CA10: variants seen among roughly 807,000 people sequenced by gnomAD.
CA10 encodes the protein carbonic anhydrase-related protein 10.
Under a neutral mutation model 44.2 loss-of-function variants are expected in CA10, and 14 were observed. The observed-to-expected ratio is 0.32, with a 90% CI of 0.21 to 0.50. CA10 has a LOEUF of 0.50. Among genes scored for constraint, CA10 ranks in the 20% least tolerant of loss-of-function variants. The pLI is 0.99. For synonymous variants in CA10, 159 were observed against 141.6 expected (o/e 1.12, Z -0.87); for missense variants, 350 against 409.7 (o/e 0.85, Z 1.26).
At chr17:51,672,729 T>A (rs1914472696) in intron 4 of CA10, among the ~76,000 whole-genome samples, 1 of 152,150 alleles carries the variant, frequency 6.6e-6, no homozygotes, top group South Asian at 2.1e-4. Context: ...AGAAAGGGCT[T>A]CAGAAATTCA....
chr17:51,849,197 ACATATATGTATATATATATATAC>A, intron 3 of CA10, among the ~76,000 whole-genome samples: 1 of 60,548 alleles, frequency 1.7e-5, no homozygotes, highest in Admixed American at 1.8e-4. Flanking sequence ...ATATATATAT[ACATATATGTATATATATATATAC>A]ATATATGTGT....
At chr17:51,894,533 T>C (rs1980990419) in intron 3 of CA10, among the ~76,000 whole-genome samples, 1 of 151,968 alleles carries the variant, frequency 6.6e-6, no homozygotes, top group Admixed American at 6.6e-5. Flanking sequence ...TTTATACCCA[T>C]TGTTGGAGAT....
chr17:51,653,207 A>T (rs1277071482), intron 5 of CA10, among the ~76,000 whole-genome samples: 1 of 152,162 alleles, frequency 6.6e-6, no homozygotes, highest in Non-Finnish European at 1.5e-5. Context: ...GGAGCTATTT[A>T]GTGCAGTGCC....
Position 52,008,572 on chromosome 17 carries a change from T to C in CA10, c.136+63747A>G, listed in dbSNP as rs12325844. 2.9e-3 allele frequency among the ~76,000 whole-genome samples: 448 copies of C among 152,052 alleles called. 1 individual carries two copies. The highest frequency in any genetic ancestry group is 0.01 in the African/African-American group (429 of 41,550). On this transcript the variant is annotated intron_variant, in intron 2 of 8. Transcript: ENST00000451037. ...TTTGTTTTTTTCTATTACTGCTATG[T>C]GTTTGAATCAGAAGAAGGGCAATGT...
intron 3 of CA10, among the ~76,000 whole-genome samples, chr17:51,881,012 C>T (rs1287321821): frequency 1.3e-5 from 2 of 151,740 alleles, no homozygotes. Flanking sequence ...CCGAGACAGG[C>T]GGATCATGAG....
intron 3 of CA10, among the ~76,000 whole-genome samples, chr17:51,892,218 G>A (rs1346172797): frequency 1.3e-5 from 2 of 152,200 alleles, no homozygotes; most frequent in Non-Finnish European, 2.9e-5. Flanking sequence ...TGGTGGAACT[G>A]GGATTTGAAT....
At chr17:52,131,128 A>G (rs527859659) in intron 1 of CA10, among the ~76,000 whole-genome samples, 4 of 151,920 alleles carry the variant, frequency 2.6e-5, no homozygotes, top group African/African-American at 4.8e-5. Context: ...GACTATAAAC[A>G]TAAATATTAT....
At chr17:51,690,003 A>G (rs976208269) in intron 4 of CA10, among the ~76,000 whole-genome samples, 3 of 151,228 alleles carry the variant, frequency 2.0e-5, no homozygotes, top group Non-Finnish European at 4.4e-5. Flanking sequence ...GCTGGAGTGC[A>G]GTGGCATGAT....
intron 1 of CA10, among the ~76,000 whole-genome samples, chr17:52,117,622 C>G (rs950705183): frequency 1.3e-5 from 2 of 152,180 alleles, no homozygotes; most frequent in African/African-American, 4.8e-5. Flanking sequence ...TTAGATCAAA[C>G]TTAGTCAAAC....
At chr17:51,941,050 A>C (rs764528374) in intron 2 of CA10, among the ~76,000 whole-genome samples, 1 of 152,146 alleles carries the variant, frequency 6.6e-6, no homozygotes, top group African/African-American at 2.4e-5. Flanking sequence ...GTCCCCAAAG[A>C]TGGGTACTAG....
intron 4 of CA10, among the ~76,000 whole-genome samples, chr17:51,697,752 C>A (rs1915451044): frequency 1.3e-5 from 2 of 152,188 alleles, no homozygotes; most frequent in African/African-American, 4.8e-5. Context: ...AATGAATAAA[C>A]AAATGAATGC....
At chr17:51,951,619 T>C (rs1468342584) in intron 2 of CA10, among the ~76,000 whole-genome samples, 1 of 152,126 alleles carries the variant, frequency 6.6e-6, no homozygotes, top group Admixed American at 6.6e-5. Context: ...ATGCAAAAAT[T>C]TGGGTGATGG....
chr17:52,068,252 A>G (rs1987587709), intron 2 of CA10, among the ~76,000 whole-genome samples: 2 of 152,166 alleles, frequency 1.3e-5, no homozygotes. Context: ...ATGGTTTTGT[A>G]AGGGGCTCTT....
intron 2 of CA10, among the ~76,000 whole-genome samples, chr17:51,950,555 G>A (rs1363279212): frequency 6.6e-6 from 1 of 152,084 alleles, no homozygotes; most frequent in East Asian, 1.9e-4. Context: ...CTCCTATTGG[G>A]TGTCCTTCTC....
intron 3 of CA10, among the ~76,000 whole-genome samples, chr17:51,918,696 T>C (rs1567884899): frequency 6.6e-6 from 1 of 152,170 alleles, no homozygotes. Context: ...AAGATAACAT[T>C]AACAAAATAA....
At chr17:52,152,064 C>T (rs1202496543) in intron 1 of CA10, among the ~76,000 whole-genome samples, 1 of 152,062 alleles carries the variant, frequency 6.6e-6, no homozygotes, top group Admixed American at 6.6e-5. Flanking sequence ...CTCTGTTTTA[C>T]AGATGAGCAA....
At chr17:51,937,938 G>C (rs1378510361) in intron 2 of CA10, among the ~76,000 whole-genome samples, 1 of 152,108 alleles carries the variant, frequency 6.6e-6, no homozygotes, top group East Asian at 1.9e-4. Flanking sequence ...TCCTCAAACA[G>C]AGATATACTA....
chr17:51,661,996 C>T (rs1914025203), intron 4 of CA10: 1 of 152,180 alleles, frequency 6.6e-6, no homozygotes, highest in Admixed American at 6.5e-5. Context: ...GCTACAGAAA[C>T]ACAGCGTAGG....
chr17:51,932,369 G>A (rs78322871), intron 2 of CA10, among the ~76,000 whole-genome samples: 1,859 of 152,214 alleles, frequency 0.012, 26 homozygotes, highest in African/African-American at 0.042. Flanking sequence ...CTTGCCTATA[G>A]CATAGATGGA....
Sources: gnomAD v4.1 joint callset for allele counts (sites outside exome capture counted in the v4.1 genomes callset) on GRCh38, gnomAD v4.1.1 for gene constraint, MANE v1.5 for transcripts, NCBI Gene and HGNC (gene_info 2026-07-23, HGNC 2026-07-21) for gene names.